Variants in C12orf54 observed in about 807,000 individuals in gnomAD.
C12orf54 encodes the protein chromosome 12 open reading frame 54, also known as uncharacterized protein C12orf54.
Under a neutral mutation model 26.4 loss-of-function variants are expected in C12orf54, and 24 were observed. The observed-to-expected ratio is 0.91, with a 90% CI of 0.66 to 1.28. C12orf54 has a LOEUF of 1.28. Among genes scored for constraint, C12orf54 ranks in the 50% most tolerant of loss-of-function variants. The probability of loss-of-function intolerance (pLI) is 0.00; values close to 1 mark genes in which losing one functional copy is unlikely to be tolerated. For synonymous variants in C12orf54, 54 were observed against 47.0 expected (o/e 1.15, Z -0.61); for missense variants, 154 against 150.9 (o/e 1.02, Z -0.11).
At chr12:48,467,062 C>A in the C12orf54 span, among the ~76,000 whole-genome samples, 1 of 151,902 alleles carries the variant, frequency 6.6e-6, no homozygotes. Context: ...ATGGTCTTTG[C>A]AAATATAACT....
chr12:48,488,421 T>C, intron 4 of C12orf54: 6 of 441,670 alleles, frequency 1.4e-5, no homozygotes, highest in South Asian at 1.1e-4. Context: ...TGTTCATGGA[T>C]GTGGTCATCT....
At chr12:48,476,573 A>G in the C12orf54 span, among the ~76,000 whole-genome samples, 2 of 152,176 alleles carry the variant, frequency 1.3e-5, no homozygotes, top group Non-Finnish European at 2.9e-5. Flanking sequence ...AATGGAAAAC[A>G]AAAAAAGGCA....
intron 2 of C12orf54, among the ~76,000 whole-genome samples, chr12:48,485,569 C>A (rs1954250583): frequency 6.6e-6 from 1 of 152,152 alleles, no homozygotes; most frequent in African/African-American, 2.4e-5. Flanking sequence ...CACTCACTTT[C>A]ACCCTTCTTC....
At chr12:48,432,589 G>C in the C12orf54 span, among the ~76,000 whole-genome samples, 1 of 152,186 alleles carries the variant, frequency 6.6e-6, no homozygotes, top group African/African-American at 2.4e-5. Flanking sequence ...ATTGCATACA[G>C]CCAGGCACAC....
the C12orf54 span, among the ~76,000 whole-genome samples, chr12:48,420,959 G>A: frequency 6.6e-6 from 1 of 152,074 alleles, no homozygotes; most frequent in Non-Finnish European, 1.5e-5. Flanking sequence ...TTAGTTCATA[G>A]CACCTCATCA....
chr12:48,454,096 G>GTTTT, the C12orf54 span, among the ~76,000 whole-genome samples: 55 of 94,266 alleles, frequency 5.8e-4, no homozygotes, highest in Non-Finnish European at 7.6e-4. Context: ...TTTTTTGTTT[G>GTTTT]TTTTTTTTTT....
At chr12:48,477,768 CA>C (rs1488857471), upstream of C12orf54, among the ~76,000 whole-genome samples, 3 of 152,060 alleles carry the variant, frequency 2.0e-5, no homozygotes, top group East Asian at 5.8e-4. Flanking sequence ...GCTTAACAAC[CA>C]AAAAAAGTTG....
chr12:48,431,602 A>C, the C12orf54 span, among the ~76,000 whole-genome samples: 1 of 152,226 alleles, frequency 6.6e-6, no homozygotes, highest in Non-Finnish European at 1.5e-5. Context: ...TTAGAAATAA[A>C]AAATTTTCTC....
chr12:48,486,650 G>C, intron 3 of C12orf54, 38 bp from the exon 4 acceptor site: 1 of 1,583,668 alleles, frequency 6.3e-7, no homozygotes, highest in Non-Finnish European at 8.7e-7. Flanking sequence ...TGGGAGAGTT[G>C]GGATATTGTT....
the C12orf54 span, among the ~76,000 whole-genome samples, chr12:48,449,381 C>T: frequency 6.4e-4 from 97 of 152,220 alleles, no homozygotes; most frequent in Admixed American, 1.6e-3. Context: ...AAAATACTTT[C>T]GTTTTCTTTT....
At chr12:48,438,105 A>T in the C12orf54 span, among the ~76,000 whole-genome samples, 5 of 152,194 alleles carry the variant, frequency 3.3e-5, no homozygotes, top group Admixed American at 3.3e-4. Context: ...CTTATACACC[A>T]ATAACAGACA....
the C12orf54 span, among the ~76,000 whole-genome samples, chr12:48,430,691 C>T: frequency 6.6e-6 from 1 of 152,172 alleles, no homozygotes; most frequent in African/African-American, 2.4e-5. Flanking sequence ...CACTTCTACA[C>T]TGCTGGCGGG....
the C12orf54 span, among the ~76,000 whole-genome samples, chr12:48,445,032 G>A: frequency 2.5e-3 from 382 of 152,250 alleles, no homozygotes; most frequent in Non-Finnish European, 3.9e-3. Context: ...TTAGCCAGGC[G>A]TGGTGGCTTG....
At chr12:48,488,627 C>T (rs1439032740) in intron 4 of C12orf54, 3 of 418,222 alleles carry the variant, frequency 7.2e-6, no homozygotes, top group East Asian at 1.0e-4. Context: ...CCAATTAGAC[C>T]GAAAATAAAT....
the C12orf54 span, among the ~76,000 whole-genome samples, chr12:48,446,157 T>G: frequency 6.6e-6 from 1 of 152,196 alleles, no homozygotes; most frequent in Non-Finnish European, 1.5e-5. Context: ...TGGGAGAAAT[T>G]CACAGGCGAG....
chr12:48,437,418 T>G, the C12orf54 span, among the ~76,000 whole-genome samples: 1 of 152,144 alleles, frequency 6.6e-6, no homozygotes, highest in Non-Finnish European at 1.5e-5. Context: ...AGCATCATCC[T>G]CATACCAAAG....
chr12:48,488,322 T>C (rs1393745844), intron 4 of C12orf54: 2 of 541,232 alleles, frequency 3.7e-6, no homozygotes, highest in East Asian at 3.9e-5. Flanking sequence ...CAGAGATACC[T>C]ACAGACAGAA....
At chr12:48,415,903 G>A in the C12orf54 span, among the ~76,000 whole-genome samples, 3 of 152,046 alleles carry the variant, frequency 2.0e-5, no homozygotes, top group Admixed American at 6.6e-5. Context: ...AAATCCTCAA[G>A]TTTCGCCTTC....
At chr12:48,494,699 G>A in intron 7 of C12orf54, 99 bp from the exon 8 acceptor site, 1 of 1,295,598 alleles carries the variant, frequency 7.7e-7, no homozygotes, top group Non-Finnish European at 1.1e-6. Flanking sequence ...TTGGGGGAGT[G>A]TAATAATAGA....
Sources: gnomAD v4.1 joint callset for allele counts (sites outside exome capture counted in the v4.1 genomes callset) on GRCh38, gnomAD v4.1.1 for gene constraint, MANE v1.5 for transcripts, NCBI Gene and HGNC (gene_info 2026-07-23, HGNC 2026-07-21) for gene names.